Variants in LYPLAL1 observed in about 807,000 individuals in gnomAD.
The protein encoded by LYPLAL1 is lysophospholipase like 1.
In LYPLAL1, 23 loss-of-function variants were observed where a neutral mutation model predicts 19.7. That is an observed-to-expected ratio of 1.17 (90% confidence interval 0.84 to 1.65). The LOEUF (loss-of-function observed/expected upper bound fraction) is 1.65, where lower values mean the gene tolerates loss of function less well. LYPLAL1 is among the 40% of genes most tolerant of loss of function. The probability of loss-of-function intolerance (pLI) is 0.00; values close to 1 mark genes in which losing one functional copy is unlikely to be tolerated. For synonymous variants in LYPLAL1, 119 were observed against 96.3 expected (o/e 1.24, Z -1.38); for missense variants, 355 against 279.4 (o/e 1.27, Z -1.93).
At chr1:219,375,186 G>T in the LYPLAL1 span, among the ~76,000 whole-genome samples, 8 of 152,268 alleles carry the variant, frequency 5.3e-5, no homozygotes, top group Admixed American at 1.3e-4. Flanking sequence ...GGCAAAAGAG[G>T]CCGGGCATGG....
chr1:219,235,417 A>G, the LYPLAL1 span, among the ~76,000 whole-genome samples: 1 of 152,162 alleles, frequency 6.6e-6, no homozygotes, highest in African/African-American at 2.4e-5. Flanking sequence ...CAAGCTAAGC[A>G]TTTTTTACAG....
the LYPLAL1 span, among the ~76,000 whole-genome samples, chr1:219,265,267 A>G: frequency 1.3e-5 from 2 of 152,322 alleles, no homozygotes; most frequent in Admixed American, 1.3e-4. Flanking sequence ...AGCCAATCAC[A>G]TAAATAATAA....
At chr1:219,320,252 G>T in the LYPLAL1 span, among the ~76,000 whole-genome samples, 2 of 151,844 alleles carry the variant, frequency 1.3e-5, no homozygotes, top group African/African-American at 2.4e-5. Context: ...TACTGGTCCT[G>T]CCTTCTCTTG....
the LYPLAL1 span, among the ~76,000 whole-genome samples, chr1:219,360,699 G>T: frequency 6.6e-6 from 1 of 152,094 alleles, no homozygotes; most frequent in Non-Finnish European, 1.5e-5. Context: ...GATGTAAGAG[G>T]ACACTTGCTG....
chr1:219,425,572 T>C, the LYPLAL1 span, among the ~76,000 whole-genome samples: 1 of 152,190 alleles, frequency 6.6e-6, no homozygotes, highest in South Asian at 2.1e-4. Flanking sequence ...TAATCCTCAA[T>C]TGCCTCACTT....
At chr1:219,188,792 C>T (rs1656926013) in intron 2 of LYPLAL1, among the ~76,000 whole-genome samples, 1 of 151,066 alleles carries the variant, frequency 6.6e-6, no homozygotes, top group Non-Finnish European at 1.5e-5. Context: ...CTTTGCCAAA[C>T]ATATTTATTT....
chr1:219,354,646 A>G, the LYPLAL1 span, among the ~76,000 whole-genome samples: 2 of 151,522 alleles, frequency 1.3e-5, no homozygotes, highest in Admixed American at 1.3e-4. Flanking sequence ...AAAAGTAGCT[A>G]TAGGAAAACA....
At chr1:219,216,014 A>T (rs1296583874), downstream of LYPLAL1, among the ~76,000 whole-genome samples, 3 of 152,036 alleles carry the variant, frequency 2.0e-5, no homozygotes, top group African/African-American at 7.2e-5. Context: ...ATAGCTTTAA[A>T]TTTCCATATG....
chr1:219,194,351 A>G (rs1313937957), intron 3 of LYPLAL1, among the ~76,000 whole-genome samples: 1 of 151,754 alleles, frequency 6.6e-6, no homozygotes, highest in African/African-American at 2.4e-5. Flanking sequence ...TAGTTAGAAG[A>G]TAGAATTCCA....
At chr1:219,321,000 C>T in the LYPLAL1 span, among the ~76,000 whole-genome samples, 2 of 152,172 alleles carry the variant, frequency 1.3e-5, no homozygotes, top group African/African-American at 4.8e-5. Context: ...GTTCTAGGTC[C>T]ATGAAGAATC....
the LYPLAL1 span, among the ~76,000 whole-genome samples, chr1:219,366,766 G>A: frequency 6.6e-6 from 1 of 151,988 alleles, no homozygotes; most frequent in Non-Finnish European, 1.5e-5. Context: ...TGGGCCTCGT[G>A]AATGAAAGAA....
the LYPLAL1 span, among the ~76,000 whole-genome samples, chr1:219,387,137 C>T: frequency 6.6e-6 from 1 of 152,250 alleles, no homozygotes; most frequent in East Asian, 1.9e-4. Context: ...CCACATGCTC[C>T]TCTGTCCAAA....
chr1:219,418,702 A>G, the LYPLAL1 span, among the ~76,000 whole-genome samples: 2 of 152,164 alleles, frequency 1.3e-5, no homozygotes, highest in Non-Finnish European at 2.9e-5. Context: ...TGTACTTCCT[A>G]TGGGTTTGGA....
chr1:219,401,282 T>A, the LYPLAL1 span, among the ~76,000 whole-genome samples: 2 of 134,896 alleles, frequency 1.5e-5, no homozygotes, highest in Admixed American at 1.7e-4. Flanking sequence ...AGTAATGCTC[T>A]TAACAAAAAT....
intron 2 of LYPLAL1, among the ~76,000 whole-genome samples, chr1:219,187,418 T>C (rs190233556): frequency 6.6e-6 from 1 of 151,760 alleles, no homozygotes; most frequent in African/African-American, 2.4e-5. Flanking sequence ...TTCACTGTGG[T>C]AATTTGGACT....
At chr1:219,407,604 A>G in the LYPLAL1 span, among the ~76,000 whole-genome samples, 46 of 152,310 alleles carry the variant, frequency 3.0e-4, no homozygotes, top group Middle Eastern at 6.8e-3. Context: ...TTGTGAATAA[A>G]CGTTCATTAA....
At chr1:219,345,561 A>T in the LYPLAL1 span, among the ~76,000 whole-genome samples, 1 of 152,214 alleles carries the variant, frequency 6.6e-6, no homozygotes, top group Admixed American at 6.5e-5. Context: ...TGCTGGAAAT[A>T]CATTTCTAAG....
chr1:219,445,194 A>C, the LYPLAL1 span, among the ~76,000 whole-genome samples: 1 of 151,704 alleles, frequency 6.6e-6, no homozygotes, highest in Non-Finnish European at 1.5e-5. Flanking sequence ...TTTTAATAAT[A>C]AGTTTCCATT....
chr1:219,328,566 C>T, the LYPLAL1 span, among the ~76,000 whole-genome samples: 3 of 152,070 alleles, frequency 2.0e-5, no homozygotes, highest in Non-Finnish European at 2.9e-5. Flanking sequence ...TAACTGATAT[C>T]TCACACATTT....
Sources: allele counts gnomAD v4.1 joint callset (sites outside exome capture counted in the v4.1 genomes callset), GRCh38; gene constraint gnomAD v4.1.1; transcripts MANE v1.5; gene names NCBI Gene and HGNC (gene_info 2026-07-23, HGNC 2026-07-21).